NRP2: variants seen among roughly 807,000 people sequenced by gnomAD.
The protein encoded by NRP2 is neuropilin 2, also known as neuropilin-2.
Under a neutral mutation model 110.4 loss-of-function variants are expected in NRP2, and 52 were observed. The ratio of observed to expected loss-of-function variants is 0.47; its 90% CI spans 0.38 to 0.59. The LOEUF is 0.59. Ranked by LOEUF, NRP2 falls within the 20% of genes least tolerant of loss-of-function variation. The pLI, the probability that NRP2 is intolerant of heterozygous loss-of-function variation, is 0.00. For missense variants in NRP2, 1,049 were observed against 1,203.0 expected, an observed-to-expected ratio of 0.87 and a Z score of 1.89; for synonymous variants, 508 against 468.9, an observed-to-expected ratio of 1.08 and a Z score of -1.08.
intron 12 of NRP2, among the ~76,000 whole-genome samples, chr2:205,755,810 T>A (rs192262376): frequency 1.6e-4 from 24 of 152,090 alleles, no homozygotes; most frequent in Admixed American, 5.9e-4. Context: ...ATATGCTTCA[T>A]CCCCTGATGA....
intron 2 of NRP2, among the ~76,000 whole-genome samples, chr2:205,711,114 A>T (rs574604575): frequency 6.6e-6 from 1 of 152,296 alleles, no homozygotes; most frequent in African/African-American, 2.4e-5. Flanking sequence ...AATGGATCAA[A>T]CTCCACGGAA....
At chr2:205,766,882 G>T in intron 15 of NRP2, 79 bp downstream of exon 15, 1 of 1,298,124 alleles carries the variant, frequency 7.7e-7, no homozygotes, top group South Asian at 1.2e-5. Context: ...TTTGATGGGG[G>T]GAATCAACCT....
Position 205,725,852 on chromosome 2 carries a change from G to A in NRP2, c.821-61G>A, listed in dbSNP as rs2057116536. Reference sequence around the variant, plus strand: ...TGTCCCTAGAAGGGAGGCAGCATTTGGGGGATCCCGAGGTATGAGGTTGGA... The same window carrying A: ...TGTCCCTAGAAGGGAGGCAGCATTTAGGGGATCCCGAGGTATGAGGTTGGA... On this transcript the variant is annotated intron_variant, in intron 5 of 16. Coordinates refer to ENST00000357785, the MANE Select transcript of NRP2 (RefSeq NM_003872.3). This position sits in a 1 kb window ranked among gnomAD's most constrained non-coding sequence, Gnocchi z 4.1. The A allele has an allele frequency of 6.3e-7, 1 of 1,577,260 alleles. No individual in the cohort carries two copies. Among genetic ancestry groups the A allele is most frequent in the African/African-American group, 1.3e-5 (1 of 74,290 alleles).
chr2:205,784,001 G>GACACACACACACACACACACACACACAC (rs56303275), intron 15 of NRP2, among the ~76,000 whole-genome samples: 3,468 of 148,544 alleles, frequency 0.023, 50 homozygotes, highest in South Asian at 0.068. Flanking sequence ...ATCTCTCTCT[G>GACACACACACACACACACACACACACAC]ACACACACAC....
intron 13 of NRP2, 139 bp downstream of exon 13, chr2:205,764,075 C>G (rs533875246): frequency 1.8e-6 from 2 of 1,086,336 alleles, no homozygotes; most frequent in Non-Finnish European, 2.6e-6. Context: ...GAATGACACT[C>G]TTATTTGTTA....
At chr2:205,766,437 C>T (rs2057919125) in intron 14 of NRP2, among the ~76,000 whole-genome samples, 4 of 152,294 alleles carry the variant, frequency 2.6e-5, no homozygotes, top group South Asian at 4.1e-4. Flanking sequence ...CCAGTCCCTC[C>T]GGGCAACTCT....
At chr2:205,734,809 T>A (rs1046374012) in intron 7 of NRP2, among the ~76,000 whole-genome samples, 4 of 152,190 alleles carry the variant, frequency 2.6e-5, no homozygotes, top group African/African-American at 9.7e-5. Flanking sequence ...AAGAGGAACA[T>A]CTCGTGCACA....
intron 1 of NRP2, among the ~76,000 whole-genome samples, chr2:205,689,341 A>C (rs2056253282): frequency 6.6e-6 from 1 of 152,146 alleles, no homozygotes; most frequent in Non-Finnish European, 1.5e-5. Context: ...CTTGTCTGTA[A>C]ATGTGTTTGG....
At chr2:205,765,632 A>G in intron 14 of NRP2, 62 bp downstream of exon 14, 1 of 1,407,804 alleles carries the variant, frequency 7.1e-7, no homozygotes, top group South Asian at 1.1e-5. Flanking sequence ...TGGGATAAGC[A>G]AGAGGAGGCA....
chr2:205,721,196 T>A (rs541120667), intron 3 of NRP2, among the ~76,000 whole-genome samples: 73 of 152,276 alleles, frequency 4.8e-4, no homozygotes, highest in African/African-American at 1.6e-3. Flanking sequence ...CGCTGCAGGC[T>A]CAGATCAGTG....
In NRP2 at chr2:205,723,677, CA is replaced by C. The variant is rs1174068180; in HGVS notation, c.665-105del. On this transcript the variant is annotated intron_variant, in intron 4 of 16. Coordinates refer to ENST00000357785, the MANE Select transcript of NRP2 (RefSeq NM_003872.3). ...TCTTTGGTTTTTATGGCAAGATGTA[CA>C]AAGTGTGCTCCACTGAATGAAATGC... The C allele has an allele frequency of 1.2e-5, 13 of 1,123,306 alleles. No homozygotes were observed. The South Asian group carries it at 1.2e-4, about 10-fold the overall frequency. 69.6% of individuals were successfully genotyped at this position (1,123,306 alleles called of 1,614,324 possible).
intron 9 of NRP2, 35 bp downstream of exon 9, chr2:205,743,587 C>A (rs1173013829): frequency 1.2e-6 from 2 of 1,610,018 alleles, no homozygotes; most frequent in Admixed American, 3.4e-5. Flanking sequence ...TAACGTTACC[C>A]TCAACAGGGA....
At chr2:205,741,545 G>C (rs1559340188) in intron 8 of NRP2, among the ~76,000 whole-genome samples, 1 of 152,210 alleles carries the variant, frequency 6.6e-6, no homozygotes, top group African/African-American at 2.4e-5. Flanking sequence ...AGGCAATGCA[G>C]GGGGTGCAGA....
chr2:205,747,937 T>C (rs1330607658), intron 10 of NRP2, among the ~76,000 whole-genome samples: 7 of 152,182 alleles, frequency 4.6e-5, no homozygotes, highest in African/African-American at 1.4e-4. Flanking sequence ...AGCGTTCCCC[T>C]CTGCCCAGCC....
At chr2:205,751,308 G>A (rs1411502004) in intron 11 of NRP2, among the ~76,000 whole-genome samples, 4 of 152,058 alleles carry the variant, frequency 2.6e-5, no homozygotes, top group African/African-American at 7.2e-5. Context: ...TTCATTTGAG[G>A]TTTCTTTGAT....
chr2:205,750,944 A>G (rs1315834820), intron 11 of NRP2, among the ~76,000 whole-genome samples: 1 of 152,142 alleles, frequency 6.6e-6, no homozygotes, highest in African/African-American at 2.4e-5. Flanking sequence ...AAAAAGCAAT[A>G]ATTTAATGCA....
intron 13 of NRP2, 128 bp downstream of exon 13, chr2:205,764,064 T>G: frequency 8.7e-7 from 1 of 1,154,788 alleles, no homozygotes; most frequent in Non-Finnish European, 1.2e-6. Flanking sequence ...CCATGGCAAC[T>G]GAATGACACT....
In NRP2 at chr2:205,683,405, C is replaced by T. The variant is rs771983538; in HGVS notation, c.73+42C>T. ...TTTTCTATTTATTGCAACATGGTTT[C>T]CCCTTTAAAAGTGACCGCTAAAGCA... On this transcript the variant is annotated intron_variant, in intron 1 of 16. Transcript: ENST00000357785. 18 of 1,470,740 alleles carry T rather than the reference C, an allele frequency of 1.2e-5. No homozygotes were observed. The South Asian group carries it at 2.1e-4, about 17-fold the overall frequency. 91.1% of individuals were successfully genotyped at this position (1,470,740 alleles called of 1,614,324 possible). A position where few individuals can be genotyped will look rare whatever the true frequency, so the allele number is the denominator to read the frequency against.
intron 2 of NRP2, among the ~76,000 whole-genome samples, chr2:205,711,126 G>A (rs755277621): frequency 1.3e-4 from 20 of 152,182 alleles, no homozygotes; most frequent in Non-Finnish European, 2.6e-4. Flanking sequence ...TCCACGGAAA[G>A]CATCATCGTA....
Sources: allele counts gnomAD v4.1 joint callset (sites outside exome capture counted in the v4.1 genomes callset), GRCh38; gene constraint gnomAD v4.1.1; non-coding constraint Gnocchi (gnomAD v3.1); transcripts MANE v1.5; gene names NCBI Gene and HGNC (gene_info 2026-07-23, HGNC 2026-07-21).